Variants in TTC5 observed in about 807,000 individuals in gnomAD.
TTC5 encodes the protein tetratricopeptide repeat protein 5.
A neutral mutation model predicts 57.4 loss-of-function variants in TTC5; 46 were observed. The observed-to-expected ratio is 0.80, with a 90% CI of 0.63 to 1.03. The LOEUF (loss-of-function observed/expected upper bound fraction) is 1.03. Ranked by LOEUF, TTC5 falls within the 50% of genes least tolerant of loss-of-function variation. The probability of loss-of-function intolerance (pLI) is 0.00; values close to 1 mark genes in which losing one functional copy is unlikely to be tolerated. For missense variants in TTC5, 504 were observed against 528.1 expected (o/e 0.95, Z 0.45); for synonymous variants, 190 against 203.5 (o/e 0.93, Z 0.57).
At position 20,292,134 on chromosome 14, in the gene TTC5, A is replaced by C; in HGVS notation, c.1059-7T>G. 1 of 1,540,780 alleles carries C rather than the reference A, an allele frequency of 6.5e-7. No individual in the cohort carries two copies. Among genetic ancestry groups the C allele is most frequent in the Non-Finnish European group, 8.7e-7 (1 of 1,142,986 alleles). ...ATCTACCAGGCCAAATGTACTACCA[A>C]GTAAAGACAGATTAGGAGAGAGGAA... is the stretch of plus-strand genomic sequence containing the variant. On this transcript the variant is annotated splice_region_variant and splice_polypyrimidine_tract_variant and intron_variant, in intron 8 of 9. Transcript: ENST00000258821.
At chr14:20,303,086 G>A (rs1174400970) in intron 1 of TTC5, among the ~76,000 whole-genome samples, 2 of 151,936 alleles carry the variant, frequency 1.3e-5, no homozygotes, top group East Asian at 1.9e-4. Flanking sequence ...CACCTACTCG[G>A]GAGGCTGAGG....
chr14:20,295,330 G>A lies in TTC5; in HGVS notation c.1040C>T (p.Thr347Ile). Residue 347 changes from threonine to isoleucine, a missense_variant, in exon 8 of 10, where the codon ACA becomes ATA. Coordinates refer to ENST00000258821, the MANE Select transcript of TTC5 (RefSeq NM_138376.3). The stretch of plus-strand genomic sequence containing the variant: ...AACTCACAAGGGGACTTTCTCCTCT[G>A]TGGTGAGGCTAAATACCACCTTTCC... The part of the protein sequence containing the change: ...ILGKVVFSLT[T>I]EEKVPFTFGL... The A allele has an allele frequency of 6.2e-7, 1 of 1,614,194 alleles. No individual in the cohort carries two copies. Among genetic ancestry groups the A allele is most frequent in the African/African-American group, 1.3e-5 (1 of 75,046 alleles).
intron 5 of TTC5, among the ~76,000 whole-genome samples, chr14:20,297,463 C>A (rs1054453941): frequency 2.6e-5 from 4 of 151,920 alleles, no homozygotes; most frequent in Middle Eastern, 3.2e-3. Flanking sequence ...CAGGTCTGGG[C>A]GAAAAACTTC....
Position 20,288,419 on chromosome 14 carries a change from G to A in TTC5, c.*1208C>T, listed in dbSNP as rs1881883284. On this transcript the variant is annotated 3_prime_UTR_variant, in exon 10 of 10. Transcript: ENST00000258821. Reference sequence around the variant, plus strand: ...TACATTAATGTATTACAGCCATTCAGTTGTTGTTGCTGTTTGAGACGGAGT... The same window carrying A: ...TACATTAATGTATTACAGCCATTCAATTGTTGTTGCTGTTTGAGACGGAGT... The A allele has an allele frequency of 6.6e-6, 1 of 152,276 alleles. No homozygotes were observed. The highest frequency in any genetic ancestry group is 2.4e-5 in the African/African-American group (1 of 41,454). 9.4% of individuals were successfully genotyped at this position (152,276 alleles called of 1,614,324 possible).
chr14:20,292,079 C>A lies in TTC5; in HGVS notation c.1107G>T (p.Val369=). ...CTCCCCAGCTCTGCACTATATTGTACACCATCACTGCATAGCAAGGTCCAT... is the reference window on the plus strand; with the variant it reads ...CTCCCCAGCTCTGCACTATATTGTAAACCATCACTGCATAGCAAGGTCCAT... ...DSDGPCYAVM[V]YNIVQSWGVL... Residue 369 remains valine, a synonymous_variant, in exon 9 of 10, where the codon GTG becomes GTT. Transcript: ENST00000258821. 6.3e-7 allele frequency: 1 copy of A among 1,596,558 alleles called. No homozygotes were observed. Among genetic ancestry groups the A allele is most frequent in the Non-Finnish European group, 8.5e-7 (1 of 1,171,468 alleles).
rs1294028075 is a variant in TTC5, at chr14:20,298,786, T to G, written c.639+11A>C. On this transcript the variant is annotated intron_variant, in intron 5 of 9. Coordinates refer to ENST00000258821, the MANE Select transcript of TTC5 (RefSeq NM_138376.3). ...GCCTATTCATCTGGCCTGGTGACCA[T>G]AAGTACTTACTGCTTGGGCATAGGC... 1.3e-6 allele frequency: 2 copies of G among 1,599,066 alleles called. No homozygotes were observed. Among genetic ancestry groups the G allele is most frequent in the African/African-American group, 2.7e-5 (2 of 74,616 alleles).
At chr14:20,290,352 G>A (rs2138803643) in intron 9 of TTC5, among the ~76,000 whole-genome samples, 1 of 152,280 alleles carries the variant, frequency 6.6e-6, no homozygotes, top group South Asian at 2.1e-4. Context: ...ATGGCAATGA[G>A]AGGCAGGCTC....
At chr14:20,293,720 T>C (rs983181596) in intron 8 of TTC5, 5 of 152,232 alleles carry the variant, frequency 3.3e-5, no homozygotes, top group Non-Finnish European at 7.4e-5. Context: ...GTCAAGTCTA[T>C]AGGACAAAAA....
chr14:20,300,157 T>TATATATA (rs1566391974), intron 3 of TTC5, among the ~76,000 whole-genome samples: 42 of 73,800 alleles, frequency 5.7e-4, no homozygotes, highest in African/African-American at 1.2e-3. Context: ...ATATATATAT[T>TATATATA]TTTTTTTTTT....
In TTC5 at chr14:20,295,769, C is replaced by T. The variant is rs747048207; in HGVS notation, c.782G>A (p.Arg261Gln). 11 of 1,613,950 alleles carry T rather than the reference C, an allele frequency of 6.8e-6. No homozygotes were observed. The highest frequency in any genetic ancestry group is 2.7e-5 in the African/African-American group (2 of 74,934). The change falls in exon 7 of 10, where the codon CGG becomes CAG. Residue 261 changes from arginine to glutamine, a missense_variant. Physicochemically the swap from Arg to Gln is conservative, Grantham distance 43. Transcript: ENST00000258821. Reference protein sequence around the residue: ...AALDPAWPEPRQREQQLLEFL... With the variant: ...AALDPAWPEPQQREQQLLEFL... ...TTCCAGAAGTTGTTGCTCTCGTTGC[C>T]GGGGCTCTGGCCAGGCAGGGTCCAG...
chr14:20,299,122 G>A (rs1171367376), intron 4 of TTC5, among the ~76,000 whole-genome samples, 176 bp downstream of exon 4: 1 of 152,160 alleles, frequency 6.6e-6, no homozygotes, highest in Admixed American at 6.5e-5. Flanking sequence ...AGGATCAAAA[G>A]ATCGAAGAGT....
At position 20,299,281 on chromosome 14, in the gene TTC5, C is replaced by A. The variant is rs943186428; in HGVS notation, c.547+17G>T. 1.9e-6 allele frequency: 3 copies of A among 1,610,060 alleles called. No homozygotes were observed. The highest frequency in any genetic ancestry group is 2.7e-5 in the African/African-American group (2 of 74,954). On this transcript the variant is annotated intron_variant, in intron 4 of 9. Coordinates refer to ENST00000258821, the MANE Select transcript of TTC5 (RefSeq NM_138376.3). ...TCTGCTCTAGAAACCTGTTGGAGAT[C>A]TTTTGAGAGCACTCACACCAGGAGC...
At chr14:20,292,647 C>CTA (rs1480157397) in intron 8 of TTC5, 1 of 152,270 alleles carries the variant, frequency 6.6e-6, no homozygotes, top group Non-Finnish European at 1.5e-5. Context: ...TATGAATGAC[C>CTA]TATAGTCTAG....
Position 20,289,687 on chromosome 14 carries a change from C to A in TTC5, c.1263G>T (p.Lys421Asn), listed in dbSNP as rs757418730. 2 of 1,613,954 alleles carry A rather than the reference C, an allele frequency of 1.2e-6. No individual in the cohort carries two copies. The highest frequency in any genetic ancestry group is 1.7e-6 in the Non-Finnish European group (2 of 1,179,878). ...ETPLLLVVNG[K>N]PQGSSSQAVA... ...CAGCCTGGCTGCTGGATCCCTGAGG[C>A]TTCCCATTCACCACTAGCAGGAGGG... Residue 421 changes from lysine (K) to asparagine (N), a missense_variant, in exon 10 of 10, where the codon AAG becomes AAT. Physicochemically the swap from Lys to Asn is moderately conservative, Grantham distance 94. Coordinates refer to ENST00000258821, the MANE Select transcript of TTC5 (RefSeq NM_138376.3).
Position 20,292,018 on chromosome 14 carries a change from TG to T in TTC5, c.1167del (p.Asn390ThrfsTer27). The T allele has an allele frequency of 6.3e-7, 1 of 1,590,114 alleles. No homozygotes were observed. The highest frequency in any genetic ancestry group is 8.6e-7 in the Non-Finnish European group (1 of 1,168,294). ...TGCTGAATTCGGTGAAGCCGCAGGT[TG>T]GGCTCAGGAATGGCTACAGAGTCTC... is the stretch of plus-strand genomic sequence containing the variant. Reference protein sequence around the residue: ...LIGDSVAIPEPNLRLHRIQHK... With the variant: ...LIGDSVAIPEXNLRLHRIQHK... On this transcript the variant is annotated frameshift_variant, in exon 9 of 10. Coordinates refer to ENST00000258821, the MANE Select transcript of TTC5 (RefSeq NM_138376.3). LOFTEE classifies it high-confidence loss of function.
chr14:20,303,935 C>G (rs927400831), intron 1 of TTC5, among the ~76,000 whole-genome samples: 2 of 152,240 alleles, frequency 1.3e-5, no homozygotes, highest in Non-Finnish European at 2.9e-5. Flanking sequence ...TATTCCTCAT[C>G]ATCATTTAGA....
In TTC5 at chr14:20,289,645, C is replaced by A. The variant is rs3737220; in HGVS notation, c.1305G>T (p.Ser435=). Reference sequence around the variant, plus strand: ...TCAAAGGTCATTCACACTGTGGTCGCGATGCCACTGTGGCAACAGCCTGGC... The same window carrying A: ...TCAAAGGTCATTCACACTGTGGTCGAGATGCCACTGTGGCAACAGCCTGGC... ...SSSQAVATVA[S]RPQCE Residue 435 remains serine (S), a synonymous_variant, in exon 10 of 10, where the codon TCG becomes TCT. Coordinates refer to ENST00000258821, the MANE Select transcript of TTC5 (RefSeq NM_138376.3). 295,770 of 1,612,842 alleles carry A rather than the reference C, an allele frequency of 0.18. 28,924 individuals carry two copies. The highest frequency in any genetic ancestry group is 0.2 in the South Asian group (18,229 of 90,942).
At chr14:20,296,796 T>C (rs893347770) in intron 5 of TTC5, among the ~76,000 whole-genome samples, 1 of 152,052 alleles carries the variant, frequency 6.6e-6, no homozygotes, top group African/African-American at 2.4e-5. Flanking sequence ...GCAGATCACC[T>C]GAGGTCAGGA....
At chr14:20,295,596 C>G (rs780513837) in intron 7 of TTC5, 70 bp from the exon 8 acceptor site, 8 of 1,557,398 alleles carry the variant, frequency 5.1e-6, no homozygotes, top group Non-Finnish European at 7.0e-6. Context: ...ATCCTTCCCT[C>G]CCACCCACTT....
Sources: allele counts gnomAD v4.1 joint callset (sites outside exome capture counted in the v4.1 genomes callset), GRCh38; gene constraint gnomAD v4.1.1; transcripts MANE v1.5; gene names NCBI Gene and HGNC (gene_info 2026-07-23, HGNC 2026-07-21).